The following LGR4 variants were observed in gnomAD, a reference collection of about 807,000 sequenced individuals.
The protein encoded by LGR4 is leucine rich repeat containing G protein-coupled receptor 4.
In LGR4, 44 loss-of-function variants were observed where a neutral mutation model predicts 84.8. That is an observed-to-expected ratio of 0.52 (90% CI 0.41 to 0.67). The LOEUF is 0.67. Among genes scored for constraint, LGR4 ranks in the 30% least tolerant of loss-of-function variants. LGR4 has a pLI of 0.00. For missense variants in LGR4, 1,032 were observed against 1,131.4 expected (o/e 0.91, Z 1.26); for synonymous variants, 429 against 434.3 (o/e 0.99, Z 0.15).
At chr11:27,417,815 C>T (rs905241503) in intron 1 of LGR4, among the ~76,000 whole-genome samples, 1 of 152,108 alleles carries the variant, frequency 6.6e-6, no homozygotes, top group Admixed American at 6.6e-5. Context: ...CATCTCCTGA[C>T]ACCTAAAAGA....
intron 1 of LGR4, among the ~76,000 whole-genome samples, chr11:27,454,395 G>A (rs1299916664): frequency 1.3e-5 from 2 of 152,206 alleles, no homozygotes; most frequent in Non-Finnish European, 2.9e-5. Context: ...ATCTGTCACA[G>A]ATACTTTTGG....
intron 6 of LGR4, among the ~76,000 whole-genome samples, chr11:27,383,744 C>T (rs749445664): frequency 2.0e-5 from 3 of 152,090 alleles, no homozygotes; most frequent in Admixed American, 1.3e-4. Context: ...ATAAAGGCAA[C>T]TAATATAGGC....
intron 1 of LGR4, among the ~76,000 whole-genome samples, chr11:27,452,128 T>C (rs1485317220): frequency 2.0e-5 from 3 of 152,222 alleles, no homozygotes; most frequent in Non-Finnish European, 4.4e-5. Context: ...AGATTGAGAC[T>C]CTGGCTCTGC....
intron 17 of LGR4, 75 bp from the exon 18 acceptor site, chr11:27,369,218 T>C (rs1036281201): frequency 1.6e-5 from 18 of 1,147,494 alleles, no homozygotes; most frequent in Non-Finnish European, 2.0e-5. Context: ...TATGGCTTGA[T>C]AGAAAAACTA....
intron 1 of LGR4, among the ~76,000 whole-genome samples, chr11:27,450,028 C>T (rs568317971): frequency 4.6e-5 from 7 of 152,282 alleles, no homozygotes; most frequent in East Asian, 1.9e-4. Context: ...CCCTGAAAAA[C>T]GCTTTCGTTA....
rs1862996568 is a variant in LGR4 at position 27,377,006 on chromosome 11, A to G, written c.1109+152T>C. ...CCTAATACATGCTGGTTGCATGAAC[A>G]CATCTGGTTCAATTTGACATGTTAT... On this transcript the variant is annotated intron_variant, in intron 12 of 17. Transcript: ENST00000379214. 6 of 492,900 alleles carry G rather than the reference A, an allele frequency of 1.2e-5. No individual in the cohort carries two copies. The East Asian group carries it at 2.1e-4, about 17-fold the overall frequency. The allele number at this position is 492,900 out of a possible 1,614,324, so 30.5% of individuals were successfully genotyped here.
chr11:27,384,239 G>T, intron 6 of LGR4, 97 bp downstream of exon 6: 1 of 762,146 alleles, frequency 1.3e-6, no homozygotes, highest in South Asian at 1.6e-5. Flanking sequence ...ATAAGGAGCT[G>T]AACTTAAGGC....
chr11:27,443,832 T>C (rs1258401571), intron 1 of LGR4, among the ~76,000 whole-genome samples: 2 of 152,120 alleles, frequency 1.3e-5, no homozygotes, highest in Admixed American at 6.5e-5. Flanking sequence ...CAGCAGCTGC[T>C]CTATGGAAAA....
intron 2 of LGR4, among the ~76,000 whole-genome samples, chr11:27,404,104 T>C (rs1590366339): frequency 6.6e-6 from 1 of 152,202 alleles, no homozygotes; most frequent in Non-Finnish European, 1.5e-5. Context: ...GAAAATCAAA[T>C]ACATTTTCAT....
At chr11:27,410,403 T>A (rs1277718733) in intron 2 of LGR4, among the ~76,000 whole-genome samples, 1 of 152,142 alleles carries the variant, frequency 6.6e-6, no homozygotes, top group Non-Finnish European at 1.5e-5. Context: ...CCCAGTCACA[T>A]CTTGTAAAGC....
At chr11:27,424,771 G>A (rs186108897) in intron 1 of LGR4, among the ~76,000 whole-genome samples, 3 of 152,198 alleles carry the variant, frequency 2.0e-5, no homozygotes, top group African/African-American at 4.8e-5. Flanking sequence ...TTTTTGAGAC[G>A]GAGTTTCACT....
At chr11:27,436,343 G>A (rs1157330714) in intron 1 of LGR4, among the ~76,000 whole-genome samples, 6 of 120,312 alleles carry the variant, frequency 5.0e-5, no homozygotes, top group Admixed American at 4.3e-4. Context: ...GACAGAGAGA[G>A]AGAGAGAAAG....
intron 1 of LGR4, among the ~76,000 whole-genome samples, chr11:27,432,000 A>G (rs1864124982): frequency 6.6e-6 from 1 of 152,210 alleles, no homozygotes; most frequent in Admixed American, 6.5e-5. Context: ...AAGGTACTCT[A>G]TGCACATTGA....
intron 1 of LGR4, among the ~76,000 whole-genome samples, chr11:27,460,034 G>C (rs1467349977): frequency 6.6e-6 from 1 of 152,112 alleles, no homozygotes; most frequent in Non-Finnish European, 1.5e-5. Flanking sequence ...AGGCTACAGT[G>C]AGCCGAGATG....
At chr11:27,468,053 G>A (rs1427950800) in intron 1 of LGR4, among the ~76,000 whole-genome samples, 4 of 152,126 alleles carry the variant, frequency 2.6e-5, no homozygotes, top group Non-Finnish European at 5.9e-5. Flanking sequence ...CAGAGAATAC[G>A]TTAAAAAGTA....
intron 1 of LGR4, among the ~76,000 whole-genome samples, chr11:27,438,460 T>A (rs572257746): frequency 6.6e-6 from 1 of 152,246 alleles, no homozygotes; most frequent in African/African-American, 2.4e-5. Context: ...GGGCCAGGGA[T>A]GGTGTTAAGC....
chr11:27,442,981 C>T (rs1011398956), intron 1 of LGR4, among the ~76,000 whole-genome samples: 8 of 152,206 alleles, frequency 5.3e-5, no homozygotes, highest in African/African-American at 9.7e-5. Flanking sequence ...AGACACATAT[C>T]GTGCTCAACT....
intron 1 of LGR4, among the ~76,000 whole-genome samples, chr11:27,425,546 A>G (rs565318512): frequency 6.6e-5 from 10 of 151,898 alleles, no homozygotes; most frequent in Middle Eastern, 3.4e-3. Context: ...CTGGTCTGGA[A>G]CTCTTGGCCT....
intron 2 of LGR4, among the ~76,000 whole-genome samples, chr11:27,395,827 C>T (rs553649787): frequency 7.9e-5 from 12 of 152,260 alleles, no homozygotes; most frequent in Admixed American, 3.3e-4. Context: ...TAATTGCACC[C>T]GCCAGAAGCT....
Sources: allele counts gnomAD v4.1 joint callset (sites outside exome capture counted in the v4.1 genomes callset), GRCh38; gene constraint gnomAD v4.1.1; transcripts MANE v1.5; gene names NCBI Gene and HGNC (gene_info 2026-07-23, HGNC 2026-07-21).